Variants in MACROD2 observed in about 807,000 individuals in gnomAD.
MACROD2 encodes ADP-ribose glycohydrolase MACROD2.
MACROD2 carries 36 observed loss-of-function variants against 70.4 expected under a neutral mutation model. The observed-to-expected ratio is 0.51, with a 90% CI of 0.39 to 0.68. MACROD2 has a LOEUF of 0.68. MACROD2 is among the 30% of genes least tolerant of loss of function. The pLI is 0.00. For synonymous variants in MACROD2, 172 were observed against 178.8 expected (o/e 0.96, Z 0.30); for missense variants, 496 against 538.4 (o/e 0.92, Z 0.78).
chr20:15,916,486 T>C (rs2065318081), intron 10 of MACROD2, among the ~76,000 whole-genome samples: 1 of 152,216 alleles, frequency 6.6e-6, no homozygotes, highest in Admixed American at 6.5e-5. Flanking sequence ...ACCCATCTCT[T>C]GAAGGGAGGA....
At chr20:14,076,170 G>A (rs990548679) in intron 2 of MACROD2, among the ~76,000 whole-genome samples, 6 of 152,032 alleles carry the variant, frequency 3.9e-5, no homozygotes, top group African/African-American at 1.4e-4. Flanking sequence ...GTATTTGTTT[G>A]TATATGTTTA....
intron 3 of MACROD2, among the ~76,000 whole-genome samples, chr20:14,463,125 C>A (rs2084392790): frequency 1.3e-5 from 2 of 152,056 alleles, no homozygotes; most frequent in African/African-American, 4.8e-5. Context: ...TTACCTTGGG[C>A]AGTATGGCCA....
chr20:15,549,824 G>A (rs1307591881), intron 8 of MACROD2, among the ~76,000 whole-genome samples: 3 of 151,802 alleles, frequency 2.0e-5, no homozygotes, highest in Admixed American at 1.3e-4. Flanking sequence ...ACCAAATATT[G>A]TCTGTGCATT....
At chr20:16,049,680 T>C in intron 17 of MACROD2, 150 bp from the exon 18 acceptor site, 1 of 700,592 alleles carries the variant, frequency 1.4e-6, no homozygotes, top group Non-Finnish European at 2.4e-6. Context: ...AGTTCAGACA[T>C]CTAAAGCTCT....
At chr20:15,220,494 G>A (rs767152222) in intron 5 of MACROD2, among the ~76,000 whole-genome samples, 1 of 152,222 alleles carries the variant, frequency 6.6e-6, no homozygotes, top group Non-Finnish European at 1.5e-5. Flanking sequence ...TAGTCATATC[G>A]GATTGCCTTG....
intron 8 of MACROD2, among the ~76,000 whole-genome samples, chr20:15,835,445 C>A (rs1391663566): frequency 1.3e-5 from 2 of 151,892 alleles, no homozygotes; most frequent in Non-Finnish European, 2.9e-5. Flanking sequence ...CAGCTATTGG[C>A]ATTATTATTA....
intron 5 of MACROD2, among the ~76,000 whole-genome samples, chr20:15,015,888 A>G (rs547984812): frequency 1.1e-4 from 17 of 152,350 alleles, no homozygotes; most frequent in African/African-American, 4.1e-4. Flanking sequence ...GAATAGGCCT[A>G]TGTTGAGTTG....
intron 8 of MACROD2, among the ~76,000 whole-genome samples, chr20:15,576,958 C>T (rs1204731345): frequency 3.9e-5 from 6 of 152,126 alleles, no homozygotes; most frequent in South Asian, 2.1e-4. Context: ...CCTATGATTT[C>T]GGTGGTATTC....
chr20:14,274,913 TA>T (rs2082235799), intron 3 of MACROD2, among the ~76,000 whole-genome samples: 1 of 151,414 alleles, frequency 6.6e-6, no homozygotes, highest in Non-Finnish European at 1.5e-5. Context: ...TCAAAGAGTA[TA>T]AAATACCTAG....
At position 15,091,699 on chromosome 20, in the gene MACROD2, T is replaced by C. The variant is rs568046951; in HGVS notation, c.419-138241T>C. Among the ~76,000 whole-genome samples the C allele has an allele frequency of 1.7e-3, 260 of 152,254 alleles. 1 individual carries two copies. Among genetic ancestry groups the C allele is most frequent in the Middle Eastern group, 6.8e-3 (2 of 294 alleles). On this transcript the variant is annotated intron_variant, in intron 5 of 17. Coordinates refer to ENST00000684519, the MANE Select transcript of MACROD2 (RefSeq NM_001351661.2). ...GGTGGTCTTTTTCAAAGAGCACTTA[T>C]GTTATGTGTTGAAATAATGAAAAAG... is the stretch of plus-strand genomic sequence containing the variant.
chr20:14,690,537 A>T (rs1820845285), intron 5 of MACROD2, among the ~76,000 whole-genome samples: 1 of 152,224 alleles, frequency 6.6e-6, no homozygotes. Flanking sequence ...TCCTTTTGAA[A>T]TTCCTATGAG....
At chr20:14,803,646 A>G (rs138605260) in intron 5 of MACROD2, among the ~76,000 whole-genome samples, 2,051 of 151,818 alleles carry the variant, frequency 0.014, 48 homozygotes, top group African/African-American at 0.047. Context: ...ACACCTGGCT[A>G]ATTTTTATAT....
At chr20:14,346,031 T>C (rs940642398) in intron 3 of MACROD2, among the ~76,000 whole-genome samples, 2 of 138,892 alleles carry the variant, frequency 1.4e-5, no homozygotes, top group African/African-American at 5.4e-5. Context: ...GAGGCAGAGC[T>C]TGCAGTGAGC....
At chr20:15,816,595 A>G (rs2063878402) in intron 8 of MACROD2, among the ~76,000 whole-genome samples, 1 of 152,202 alleles carries the variant, frequency 6.6e-6, no homozygotes, top group African/African-American at 2.4e-5. Context: ...TTATCAAAAG[A>G]CCTTGATAAC....
intron 4 of MACROD2, among the ~76,000 whole-genome samples, chr20:14,498,992 G>T (rs1722270547): frequency 6.6e-6 from 1 of 152,190 alleles, no homozygotes; most frequent in Non-Finnish European, 1.5e-5. Context: ...GTTTACAGAG[G>T]GTAGAGTGTT....
chr20:15,392,994 C>A (rs139378132), intron 6 of MACROD2, among the ~76,000 whole-genome samples: 1 of 151,838 alleles, frequency 6.6e-6, no homozygotes, highest in Admixed American at 6.6e-5. Context: ...ATAAGGGTGG[C>A]GGCAATGTGG....
At chr20:14,982,508 C>T (rs2074809886) in intron 5 of MACROD2, among the ~76,000 whole-genome samples, 2 of 152,144 alleles carry the variant, frequency 1.3e-5, no homozygotes, top group Non-Finnish European at 2.9e-5. Flanking sequence ...ATGGGCCACA[C>T]CAAGGGTCAC....
chr20:15,556,489 T>A (rs2048171259), intron 8 of MACROD2, among the ~76,000 whole-genome samples: 1 of 152,222 alleles, frequency 6.6e-6, no homozygotes. Flanking sequence ...AGCAATTATA[T>A]ACTACTTTCT....
intron 4 of MACROD2, among the ~76,000 whole-genome samples, chr20:14,549,075 T>C (rs1978475442): frequency 6.6e-6 from 1 of 152,190 alleles, no homozygotes; most frequent in Non-Finnish European, 1.5e-5. Flanking sequence ...CTAGAAGTCA[T>C]ACCAACAGCA....
Sources: gnomAD v4.1 joint callset for allele counts (sites outside exome capture counted in the v4.1 genomes callset) on GRCh38, gnomAD v4.1.1 for gene constraint, MANE v1.5 for transcripts, NCBI Gene and HGNC (gene_info 2026-07-23, HGNC 2026-07-21) for gene names.